TF: variants seen among roughly 807,000 people sequenced by gnomAD.
TF encodes serotransferrin.
TF carries 55 observed loss-of-function variants against 82.4 expected under a neutral mutation model. The ratio of observed to expected loss-of-function variants is 0.67; its 90% CI spans 0.54 to 0.84. TF has a LOEUF of 0.84. TF is among the 40% of genes least tolerant of loss of function. The probability of loss-of-function intolerance (pLI) is 0.00; values close to 1 mark genes in which losing one functional copy is unlikely to be tolerated. For missense variants in TF, 737 were observed against 868.4 expected (o/e 0.85, Z 1.90); for synonymous variants, 332 against 332.6 (o/e 1.00, Z 0.02).
chr3:133,707,658 A>C, the TF span: 1 of 152,242 alleles, frequency 6.6e-6, no homozygotes, highest in African/African-American at 2.4e-5. Context: ...CCTGATCTAC[A>C]ACACAGAGAA....
In TF at chr3:133,790,293, T is replaced by C. The variant is rs1422219235; in HGVS notation, c.*11673T>C. ...ACTATAAATTCCCATATCTGATAGTTCAGGATTTCTAGCTTTTTAGCGTTT... is the reference window on the plus strand; with the variant it reads ...ACTATAAATTCCCATATCTGATAGTCCAGGATTTCTAGCTTTTTAGCGTTT... On this transcript the variant is annotated 3_prime_UTR_variant, in exon 17 of 17. Coordinates refer to ENST00000402696, the MANE Select transcript of TF (RefSeq NM_001063.4). 6.6e-6 allele frequency: 1 copy of C among 152,212 alleles called. No homozygotes were observed. Among genetic ancestry groups the C allele is most frequent in the African/African-American group, 2.4e-5 (1 of 41,452 alleles). The allele number at this position is 152,212 out of a possible 1,614,324, so 9.4% of individuals were successfully genotyped here. A position where few individuals can be genotyped will look rare whatever the true frequency, so the allele number is the denominator to read the frequency against.
chr3:133,686,370 CT>C, the TF span, among the ~76,000 whole-genome samples: 1 of 152,158 alleles, frequency 6.6e-6, no homozygotes, highest in Non-Finnish European at 1.5e-5. Context: ...AACTAAAGAA[CT>C]TCTGCACAGC....
chr3:133,756,418 A>T, intron 6 of TF, 81 bp downstream of exon 6: 1 of 1,418,514 alleles, frequency 7.0e-7, no homozygotes, highest in Non-Finnish European at 9.9e-7. Flanking sequence ...CATGCTCAGT[A>T]ATTGGAAATG....
At chr3:133,664,595 C>T in the TF span, among the ~76,000 whole-genome samples, 1 of 152,164 alleles carries the variant, frequency 6.6e-6, no homozygotes, top group African/African-American at 2.4e-5. Flanking sequence ...GCTGGGATTA[C>T]AGGCATAAGT....
At chr3:133,741,707 A>T (rs1933399084), upstream of TF, among the ~76,000 whole-genome samples, 1 of 152,202 alleles carries the variant, frequency 6.6e-6, no homozygotes, top group African/African-American at 2.4e-5. Flanking sequence ...TATTCCACTA[A>T]TATGATATAT....
chr3:133,666,171 T>C, the TF span, among the ~76,000 whole-genome samples: 1 of 152,084 alleles, frequency 6.6e-6, no homozygotes, highest in African/African-American at 2.4e-5. Context: ...GAATGTACAA[T>C]TTGCTTTGGT....
chr3:133,777,566 G>T lies in TF; in HGVS notation c.2062+328G>T, dbSNP rs8177308. ...TGATTAGAGTTGCCTTGTCCAATAT[G>T]GTAGCCACCAGCAAGATGTGACTAT... On this transcript the variant is annotated intron_variant, in intron 16 of 16. Transcript: ENST00000402696. 2.6e-3 allele frequency: 632 copies of T among 240,948 alleles called. 1 individual carries two copies. The highest frequency in any genetic ancestry group is 0.013 in the African/African-American group (601 of 44,956). 14.9% of individuals were successfully genotyped at this position (240,948 alleles called of 1,614,324 possible).
At chr3:133,723,084 ACTTTGAAT>A in the TF span, among the ~76,000 whole-genome samples, 1 of 151,912 alleles carries the variant, frequency 6.6e-6, no homozygotes, top group African/African-American at 2.4e-5. Flanking sequence ...TCCTCTCAGC[ACTTTGAAT>A]ATGTCATGCC....
At position 133,775,482 on chromosome 3, in the gene TF, G is replaced by C; in HGVS notation, c.1737G>C (p.Glu579Asp). Residue 579 changes from glutamate (E) to aspartate (D), a missense_variant, in exon 15 of 17, where the codon GAG (glutamate) becomes GAC (aspartate). By Grantham distance (45) the Glu-to-Asp change is conservative. Transcript: ENST00000402696. ...AGAATCTGAATGAAAAAGACTATGA[G>C]TTGCTGTGCCTTGATGGTACCAGGA... ...WAKNLNEKDY[E>D]LLCLDGTRKP... The C allele has an allele frequency of 1.2e-6, 2 of 1,614,200 alleles. No homozygotes were observed. The highest frequency in any genetic ancestry group is 1.7e-6 in the Non-Finnish European group (2 of 1,180,046).
chr3:133,757,043 G>A (rs1162121063), intron 7 of TF, 34 bp downstream of exon 7: 9 of 1,613,930 alleles, frequency 5.6e-6, no homozygotes, highest in Non-Finnish European at 7.6e-6. Context: ...CTCCAGCTTA[G>A]TGCTCCCTGC....
At chr3:133,680,685 T>G in the TF span, among the ~76,000 whole-genome samples, 1 of 152,180 alleles carries the variant, frequency 6.6e-6, no homozygotes, top group Non-Finnish European at 1.5e-5. Flanking sequence ...ACTGAAGATG[T>G]TTTCAAGTAA....
chr3:133,746,730 C>T (rs975906718), intron 1 of TF, among the ~76,000 whole-genome samples: 3 of 152,202 alleles, frequency 2.0e-5, no homozygotes, highest in Non-Finnish European at 1.5e-5. Flanking sequence ...CAGTGAAATA[C>T]AATAAATCAG....
At position 133,753,607 on chromosome 3, in the gene TF, G is replaced by A. The variant is rs121918681; in HGVS notation, c.229G>A (p.Asp77Asn). The change falls in exon 3 of 17, where the codon GAT (aspartate) becomes AAT (asparagine). Residue 77 changes from aspartate (D) to asparagine (N), a missense_variant. Asp to Asn is a conservative substitution (Grantham distance 23). Coordinates refer to ENST00000402696, the MANE Select transcript of TF (RefSeq NM_001063.4). Reference sequence around the variant, plus strand: ...TGTTCTCTTTCAGGCAAACGAAGCGGATGCTGTGACACTGGATGCAGGTTT... The same window carrying A: ...TGTTCTCTTTCAGGCAAACGAAGCGAATGCTGTGACACTGGATGCAGGTTT... The part of the protein sequence containing the change: ...CIRAIAANEA[D>N]AVTLDAGLVY... The A allele has an allele frequency of 6.2e-7, 1 of 1,614,068 alleles. No individual in the cohort carries two copies. Among genetic ancestry groups the A allele is most frequent in the Non-Finnish European group, 8.5e-7 (1 of 1,180,032 alleles).
chr3:133,665,309 A>T, the TF span, among the ~76,000 whole-genome samples: 5 of 152,026 alleles, frequency 3.3e-5, no homozygotes, highest in Non-Finnish European at 7.4e-5. Flanking sequence ...TCTACAAAAA[A>T]TACAAAAATG....
the TF span, among the ~76,000 whole-genome samples, chr3:133,686,779 C>T: frequency 6.6e-6 from 1 of 152,060 alleles, no homozygotes; most frequent in South Asian, 2.1e-4. Flanking sequence ...TTGTGGAAGA[C>T]AGTGTGGCAA....
At chr3:133,707,190 TCACACACACACACA>T in the TF span, among the ~76,000 whole-genome samples, 1 of 144,624 alleles carries the variant, frequency 6.9e-6, no homozygotes, top group Non-Finnish European at 1.5e-5. Context: ...AACCTCAGAG[TCACACACACACACA>T]CACACACACA....
upstream of TF, among the ~76,000 whole-genome samples, chr3:133,745,658 T>C (rs1933478006): frequency 6.6e-6 from 1 of 152,230 alleles, no homozygotes; most frequent in South Asian, 2.1e-4. Flanking sequence ...GATGACACTT[T>C]GTTCTGAGCC....
chr3:133,727,965 G>T, the TF span, among the ~76,000 whole-genome samples: 113 of 152,232 alleles, frequency 7.4e-4, 2 homozygotes, highest in East Asian at 0.019. Flanking sequence ...TTTTCTTTAA[G>T]AATGTTGAAT....
chr3:133,703,089 A>C, the TF span, among the ~76,000 whole-genome samples: 1 of 152,182 alleles, frequency 6.6e-6, no homozygotes, highest in African/African-American at 2.4e-5. Flanking sequence ...CCAGTTTCTC[A>C]GTGTTTATAT....
Sources: allele counts gnomAD v4.1 joint callset (sites outside exome capture counted in the v4.1 genomes callset), GRCh38; gene constraint gnomAD v4.1.1; transcripts MANE v1.5; gene names NCBI Gene and HGNC (gene_info 2026-07-23, HGNC 2026-07-21).